The following SNX29 variants were observed in gnomAD, a reference collection of about 807,000 sequenced individuals.
SNX29 encodes the protein sorting nexin 29, also known as sorting nexin-29.
In SNX29, 78 loss-of-function variants were observed where a neutral mutation model predicts 102.1. The observed-to-expected ratio is 0.76, with a 90% CI of 0.64 to 0.92. The LOEUF (loss-of-function observed/expected upper bound fraction) is 0.92. Ranked by LOEUF, SNX29 falls within the 40% of genes least tolerant of loss-of-function variation. The pLI is 0.00. For synonymous variants in SNX29, 580 were observed against 414.5 expected (o/e 1.40, Z -4.85); for missense variants, 1,280 against 1,061.7 (o/e 1.21, Z -2.86).
intron 3 of SNX29, among the ~76,000 whole-genome samples, chr16:12,019,864 T>C (rs965765812): frequency 1.3e-5 from 2 of 152,028 alleles, no homozygotes; most frequent in Non-Finnish European, 2.9e-5. Context: ...CTCAAACTCC[T>C]GACCTCAGGT....
At chr16:12,552,499 C>T (rs115204611) in intron 20 of SNX29, among the ~76,000 whole-genome samples, 1 of 152,178 alleles carries the variant, frequency 6.6e-6, no homozygotes, top group African/African-American at 2.4e-5. Flanking sequence ...GAATCTTGCT[C>T]AAAAATAGCC....
chr16:12,074,706 T>C (rs1387785392), intron 10 of SNX29, among the ~76,000 whole-genome samples: 1 of 152,212 alleles, frequency 6.6e-6, no homozygotes, highest in Non-Finnish European at 1.5e-5. Flanking sequence ...ATCTGAATGT[T>C]GGCCTGCCTT....
chr16:12,537,080 C>T (rs1262679523), intron 20 of SNX29, among the ~76,000 whole-genome samples: 1 of 152,176 alleles, frequency 6.6e-6, no homozygotes, highest in Non-Finnish European at 1.5e-5. Flanking sequence ...TAGATTTATC[C>T]ATGTATCTCC....
intron 14 of SNX29, among the ~76,000 whole-genome samples, chr16:12,232,372 C>G (rs2077795288): frequency 6.6e-6 from 1 of 152,122 alleles, no homozygotes; most frequent in South Asian, 2.1e-4. Flanking sequence ...ACTAAAAATA[C>G]AAAAATTAGC....
chr16:12,082,911 G>C (rs545561292), intron 11 of SNX29, among the ~76,000 whole-genome samples: 2 of 152,166 alleles, frequency 1.3e-5, no homozygotes, highest in Admixed American at 1.3e-4. Context: ...TGTGTCACAT[G>C]CAAGAGGAGT....
intron 15 of SNX29, among the ~76,000 whole-genome samples, chr16:12,341,934 C>G (rs1172305566): frequency 6.6e-6 from 1 of 152,174 alleles, no homozygotes; most frequent in Non-Finnish European, 1.5e-5. Context: ...CCGTAGCTGC[C>G]AGGTCATTTC....
intron 3 of SNX29, among the ~76,000 whole-genome samples, chr16:12,021,413 G>A (rs986318694): frequency 3.4e-5 from 5 of 145,212 alleles, no homozygotes; most frequent in East Asian, 3.9e-4. Flanking sequence ...GCAACAGAGC[G>A]AGACTCTGAC....
chr16:12,240,552 TCTTA>T (rs1302424967), intron 14 of SNX29, among the ~76,000 whole-genome samples: 4 of 151,666 alleles, frequency 2.6e-5, no homozygotes, highest in African/African-American at 9.7e-5. Flanking sequence ...CGGCTGTGCT[TCTTA>T]CTTATAAAAT....
intron 19 of SNX29, among the ~76,000 whole-genome samples, chr16:12,484,995 A>G (rs2088155834): frequency 6.6e-6 from 1 of 152,238 alleles, no homozygotes; most frequent in Non-Finnish European, 1.5e-5. Context: ...TCACGGTCTA[A>G]ATTAATGAAC....
chr16:12,046,589 C>G (rs1219251064), intron 6 of SNX29, 135 bp downstream of exon 6: 1 of 760,252 alleles, frequency 1.3e-6, no homozygotes, highest in African/African-American at 1.8e-5. Context: ...TTGCTGCTGT[C>G]CTTCTTTTAC....
chr16:12,124,450 G>A (rs936593236), intron 11 of SNX29, among the ~76,000 whole-genome samples: 2 of 151,982 alleles, frequency 1.3e-5, no homozygotes, highest in African/African-American at 2.4e-5. Flanking sequence ...TTTTTCTTGC[G>A]TGTGTGTTAG....
At chr16:12,403,943 C>G (rs1300040125) in intron 18 of SNX29, among the ~76,000 whole-genome samples, 1 of 152,118 alleles carries the variant, frequency 6.6e-6, no homozygotes, top group Non-Finnish European at 1.5e-5. Context: ...CGTGGGTTGA[C>G]AGGATGACCC....
intron 20 of SNX29, among the ~76,000 whole-genome samples, chr16:12,530,131 C>T (rs1357067086): frequency 6.6e-6 from 1 of 152,200 alleles, no homozygotes; most frequent in Non-Finnish European, 1.5e-5. Flanking sequence ...ACCACTTGGC[C>T]CTCTAAGGCA....
chr16:12,381,345 C>G (rs111209267), intron 16 of SNX29, among the ~76,000 whole-genome samples: 1,119 of 106,644 alleles, frequency 0.01, 65 homozygotes, highest in African/African-American at 0.045. Flanking sequence ...ACCAACCAAC[C>G]CATCATCCAG....
chr16:12,392,903 A>G (rs1006454333), intron 16 of SNX29, among the ~76,000 whole-genome samples: 1 of 152,238 alleles, frequency 6.6e-6, no homozygotes, highest in Non-Finnish European at 1.5e-5. Context: ...GGCTGACTTT[A>G]TGATCAGATC....
chr16:12,021,295 G>A (rs142996796), intron 3 of SNX29, among the ~76,000 whole-genome samples: 1,989 of 151,974 alleles, frequency 0.013, 32 homozygotes, highest in African/African-American at 0.045. Flanking sequence ...GCATGGTGGT[G>A]CACACCTGTA....
chr16:12,337,304 A>C (rs1446246509), intron 15 of SNX29, among the ~76,000 whole-genome samples: 1 of 151,950 alleles, frequency 6.6e-6, no homozygotes, highest in Non-Finnish European at 1.5e-5. Context: ...GGTAACGGGA[A>C]ATTATGTGGA....
At chr16:12,310,864 C>G (rs1028692274) in intron 15 of SNX29, among the ~76,000 whole-genome samples, 3 of 152,098 alleles carry the variant, frequency 2.0e-5, no homozygotes, top group Non-Finnish European at 4.4e-5. Flanking sequence ...GGAGCAGTGC[C>G]CTGCTGCAGG....
In SNX29 at chr16:12,574,078, G is replaced by T. The variant is rs554598778; in HGVS notation, c.*5449G>T. 1 of 191,162 alleles carries T rather than the reference G, an allele frequency of 5.2e-6. No homozygotes were observed. Among genetic ancestry groups the T allele is most frequent in the Non-Finnish European group, 1.1e-5 (1 of 91,294 alleles). The allele number at this position is 191,162 out of a possible 1,614,324, so 11.8% of individuals were successfully genotyped here. On this transcript the variant is annotated 3_prime_UTR_variant, in exon 21 of 21. Coordinates refer to ENST00000566228, the MANE Select transcript of SNX29 (RefSeq NM_032167.5). ...ATAAGGTCTAGAAGTCTGTGGAAAC[G>T]CCCTGAAACCTGTAGTATTATCTTA...
Sources: allele counts gnomAD v4.1 joint callset (sites outside exome capture counted in the v4.1 genomes callset), GRCh38; gene constraint gnomAD v4.1.1; transcripts MANE v1.5; gene names NCBI Gene and HGNC (gene_info 2026-07-23, HGNC 2026-07-21).